Variants in NRCAM observed in about 807,000 individuals in gnomAD.
NRCAM encodes the protein neuronal cell adhesion molecule.
Under a neutral mutation model 156.5 loss-of-function variants are expected in NRCAM, and 83 were observed. That is an observed-to-expected ratio of 0.53 (90% CI 0.44 to 0.64). NRCAM has a LOEUF of 0.64. Ranked by LOEUF, NRCAM falls within the 30% of genes least tolerant of loss-of-function variation. The pLI, the probability that NRCAM is intolerant of heterozygous loss-of-function variation, is 0.00. For missense variants in NRCAM, 1,417 were observed against 1,597.3 expected, an observed-to-expected ratio of 0.89 and a Z score of 1.92; for synonymous variants, 538 against 563.9, an observed-to-expected ratio of 0.95 and a Z score of 0.65.
At chr7:108,334,053 A>G (rs2099153950) in intron 2 of NRCAM, among the ~76,000 whole-genome samples, 1 of 152,210 alleles carries the variant, frequency 6.6e-6, no homozygotes, top group African/African-American at 2.4e-5. Context: ...AATATTCAGA[A>G]TTGTAATTTC....
intron 2 of NRCAM, among the ~76,000 whole-genome samples, chr7:108,396,348 C>T (rs1204724534): frequency 3.3e-5 from 5 of 152,210 alleles, no homozygotes; most frequent in Non-Finnish European, 5.9e-5. Flanking sequence ...TAAAGACTGA[C>T]CATTCTGTGG....
At chr7:108,234,162 T>C (rs1455153775) in intron 6 of NRCAM, among the ~76,000 whole-genome samples, 1 of 152,182 alleles carries the variant, frequency 6.6e-6, no homozygotes, top group African/African-American at 2.4e-5. Context: ...GAAAAGGGAT[T>C]TGCCTGTGCC....
At chr7:108,411,262 G>A (rs558348250) in intron 1 of NRCAM, among the ~76,000 whole-genome samples, 3 of 151,964 alleles carry the variant, frequency 2.0e-5, no homozygotes, top group African/African-American at 7.2e-5. Context: ...CCTTTCCTGG[G>A]AGATACATTT....
chr7:108,275,852 C>T (rs1428617839), intron 3 of NRCAM, among the ~76,000 whole-genome samples: 2 of 152,140 alleles, frequency 1.3e-5, no homozygotes, highest in African/African-American at 2.4e-5. Context: ...ATCTTTCCTG[C>T]TTTCTCTTGT....
At chr7:108,330,409 C>G (rs2099114636) in intron 2 of NRCAM, among the ~76,000 whole-genome samples, 1 of 152,134 alleles carries the variant, frequency 6.6e-6, no homozygotes, top group African/African-American at 2.4e-5. Context: ...GCTTGCCTGA[C>G]CGAGCCTAAT....
At chr7:108,391,427 G>A (rs955292264) in intron 2 of NRCAM, among the ~76,000 whole-genome samples, 3 of 151,886 alleles carry the variant, frequency 2.0e-5, no homozygotes, top group African/African-American at 7.3e-5. Context: ...CATTTGCTTG[G>A]TAGATCTTCC....
At chr7:108,446,918 T>C (rs1012525265) in intron 1 of NRCAM, among the ~76,000 whole-genome samples, 4 of 151,552 alleles carry the variant, frequency 2.6e-5, no homozygotes, top group East Asian at 3.9e-4. Flanking sequence ...TTAGTAGAGA[T>C]GGGGTTTCAC....
chr7:108,153,680 T>TA (rs1432824711), intron 32 of NRCAM, among the ~76,000 whole-genome samples: 1 of 152,116 alleles, frequency 6.6e-6, no homozygotes, highest in Non-Finnish European at 1.5e-5. Flanking sequence ...ATTGTGCATA[T>TA]AAAAAATCCA....
chr7:108,318,039 CTTTTTTTTT>C lies in NRCAM; in HGVS notation c.-173-5317_-173-5309del, dbSNP rs779703662. Among the ~76,000 whole-genome samples, 12 of 72,814 alleles carry C rather than the reference CTTTTTTTTT, an allele frequency of 1.6e-4. No homozygotes were observed. The East Asian group carries it at 2.0e-3, about 12-fold the overall frequency. 47.8% of individuals were successfully genotyped at this position (72,814 alleles called of 152,430 possible). A position where few individuals can be genotyped will look rare whatever the true frequency, so the allele number is the denominator to read the frequency against. On this transcript the variant is annotated intron_variant, in intron 2 of 32. Transcript: ENST00000379028. ...GGAGGGACCTGGAAATTCACTTTTC[CTTTTTTTTT>C]TTTTTTTTTTTTTTTGAGACGGAGT...
At chr7:108,257,676 C>T (rs2096736548) in intron 3 of NRCAM, among the ~76,000 whole-genome samples, 1 of 152,136 alleles carries the variant, frequency 6.6e-6, no homozygotes. Context: ...AAAATTATTT[C>T]TATCATCATC....
At chr7:108,407,457 G>A (rs1000974354) in intron 1 of NRCAM, among the ~76,000 whole-genome samples, 1 of 152,148 alleles carries the variant, frequency 6.6e-6, no homozygotes, top group Non-Finnish European at 1.5e-5. Context: ...TTATTCAACT[G>A]TGAAGTTCCA....
chr7:108,170,351 T>A (rs2299989), intron 28 of NRCAM, among the ~76,000 whole-genome samples: 27,253 of 152,086 alleles, frequency 0.18, 4,306 homozygotes, highest in African/African-American at 0.43. Context: ...AAAATAAATC[T>A]TTGGGCCCCA....
At chr7:108,341,616 A>C (rs2099278087) in intron 2 of NRCAM, among the ~76,000 whole-genome samples, 1 of 152,152 alleles carries the variant, frequency 6.6e-6, no homozygotes, top group Non-Finnish European at 1.5e-5. Context: ...ATTAATCCTG[A>C]AGTCTGGGCA....
In NRCAM at chr7:108,240,025, C is replaced by A. The variant is rs535571962; in HGVS notation, c.40G>T (p.Ala14Ser). 14 of 1,613,352 alleles carry A rather than the reference C, an allele frequency of 8.7e-6. 1 individual carries two copies. The highest frequency in any genetic ancestry group is 5.5e-5 in the South Asian group (5 of 91,054). The part of the protein sequence containing the change: ...KIMPKKKRLS[A>S]GRVPLILFLC... Reference sequence around the variant, plus strand: ...AAGAGAATCAGGGGCACTCTGCCCGCAGATAAGCGCTTCTTTTTCGGCATT... The same window carrying A: ...AAGAGAATCAGGGGCACTCTGCCCGAAGATAAGCGCTTCTTTTTCGGCATT... Residue 14 changes from alanine (A) to serine (S), a missense_variant, in exon 4 of 33, where the codon GCG becomes TCG. By Grantham distance (99) the Ala-to-Ser change is moderately conservative. Around this residue, in one of 2 missense-constraint regions of NRCAM, gnomAD observed 1,238 missense variants for 1,336.4 expected, o/e 0.93. Coordinates refer to ENST00000379028, the MANE Select transcript of NRCAM (RefSeq NM_001037132.4).
At chr7:108,372,832 G>A (rs2099637593) in intron 2 of NRCAM, among the ~76,000 whole-genome samples, 1 of 152,100 alleles carries the variant, frequency 6.6e-6, no homozygotes, top group Non-Finnish European at 1.5e-5. Flanking sequence ...ATATGATCCA[G>A]CATTCCTACT....
At chr7:108,342,825 A>G (rs1427944441) in intron 2 of NRCAM, among the ~76,000 whole-genome samples, 4 of 152,204 alleles carry the variant, frequency 2.6e-5, no homozygotes, top group African/African-American at 9.6e-5. Context: ...CTGTGTGGAC[A>G]TCTCATGATG....
chr7:108,181,433 A>G (rs2063413310), intron 24 of NRCAM, among the ~76,000 whole-genome samples: 1 of 152,208 alleles, frequency 6.6e-6, no homozygotes, highest in Admixed American at 6.5e-5. Flanking sequence ...ATTCTGAATT[A>G]TTTTAAAAAT....
intron 2 of NRCAM, among the ~76,000 whole-genome samples, chr7:108,377,074 G>A (rs1363013420): frequency 2.0e-5 from 3 of 152,176 alleles, no homozygotes; most frequent in Non-Finnish European, 4.4e-5. Flanking sequence ...TGAGGCAGGA[G>A]GATCAATTGA....
At chr7:108,206,108 A>C (rs2081008657) in intron 13 of NRCAM, among the ~76,000 whole-genome samples, 1 of 152,248 alleles carries the variant, frequency 6.6e-6, no homozygotes. Flanking sequence ...TACAGTGAAG[A>C]CAGTCTGCCT....
Sources: gnomAD v4.1 joint callset for allele counts (sites outside exome capture counted in the v4.1 genomes callset) on GRCh38, gnomAD v4.1.1 for gene constraint, gnomAD v4.1.1 regional missense constraint, MANE v1.5 for transcripts, NCBI Gene and HGNC (gene_info 2026-07-23, HGNC 2026-07-21) for gene names.